Variants in ROBO1 observed in about 807,000 individuals in gnomAD.
The protein encoded by ROBO1 is roundabout homolog 1.
Under a neutral mutation model 195.9 loss-of-function variants are expected in ROBO1, and 149 were observed. That is an observed-to-expected ratio of 0.76 (90% CI 0.67 to 0.87). The LOEUF (loss-of-function observed/expected upper bound fraction) is 0.87. Ranked by LOEUF, ROBO1 falls within the 40% of genes least tolerant of loss-of-function variation. The pLI, the probability that ROBO1 is intolerant of heterozygous loss-of-function variation, is 0.00. For synonymous variants in ROBO1, 816 were observed against 733.2 expected (o/e 1.11, Z -1.82); for missense variants, 1,933 against 2,068.3 (o/e 0.93, Z 1.27).
rs778430695 is a variant in ROBO1 at position 78,606,986 on chromosome 3, G to A, written c.4491C>T (p.Ser1497=). Residue 1497 remains serine (S), a synonymous_variant, in exon 29 of 31, where the codon TCC becomes TCT. Transcript: ENST00000464233. ...PPAIKSPTAQ[S]KTQLEVRPVV... Reference sequence around the variant, plus strand: ...CAGGTCGTACTTCCAGCTGTGTCTTGGATTGGGCAGTAGGTGACTTTATAG... The same window carrying A: ...CAGGTCGTACTTCCAGCTGTGTCTTAGATTGGGCAGTAGGTGACTTTATAG... 6 of 1,613,804 alleles carry A rather than the reference G, an allele frequency of 3.7e-6. No individual in the cohort carries two copies. Among genetic ancestry groups the A allele is most frequent in the Non-Finnish European group, 5.1e-6 (6 of 1,179,874 alleles).
At chr3:79,008,397 G>A (rs2077677629) in intron 3 of ROBO1, among the ~76,000 whole-genome samples, 1 of 151,928 alleles carries the variant, frequency 6.6e-6, no homozygotes, top group African/African-American at 2.4e-5. Context: ...GTAGTTTACT[G>A]GGGAATAAAT....
At chr3:79,543,955 T>C (rs1449048229) in intron 2 of ROBO1, among the ~76,000 whole-genome samples, 4 of 152,174 alleles carry the variant, frequency 2.6e-5, no homozygotes, top group Non-Finnish European at 2.9e-5. Flanking sequence ...GCAAAAATGT[T>C]TAGACTAAAC....
At chr3:79,372,888 ATT>A (rs201344014) in intron 2 of ROBO1, among the ~76,000 whole-genome samples, 245 of 147,828 alleles carry the variant, frequency 1.7e-3, no homozygotes, top group Middle Eastern at 0.011. Flanking sequence ...AAAAACTAGT[ATT>A]TTTTTTTTTA....
chr3:78,720,953 G>GCA (rs2082028753), intron 5 of ROBO1, among the ~76,000 whole-genome samples: 5 of 150,618 alleles, frequency 3.3e-5, no homozygotes, highest in Admixed American at 2.6e-4. Context: ...GTGGGGTTGG[G>GCA]GGGGGGGCGG....
intron 2 of ROBO1, among the ~76,000 whole-genome samples, chr3:79,527,470 G>C (rs896608429): frequency 6.6e-6 from 1 of 152,076 alleles, no homozygotes; most frequent in African/African-American, 2.4e-5. Flanking sequence ...TAAAAGACAA[G>C]TGTTCAAATT....
At chr3:79,624,603 G>C (rs894101142) in intron 1 of ROBO1, among the ~76,000 whole-genome samples, 1 of 151,942 alleles carries the variant, frequency 6.6e-6, no homozygotes, top group African/African-American at 2.4e-5. Context: ...AGGCAAAGAA[G>C]GGCATTATAT....
intron 4 of ROBO1, among the ~76,000 whole-genome samples, chr3:78,780,592 A>G (rs993368223): frequency 2.0e-5 from 3 of 152,234 alleles, no homozygotes; most frequent in Admixed American, 1.3e-4. Flanking sequence ...GATTGCCTCA[A>G]TTTGTTTGCT....
chr3:79,672,085 T>C (rs1299588516), intron 1 of ROBO1, among the ~76,000 whole-genome samples: 3 of 151,976 alleles, frequency 2.0e-5, no homozygotes, highest in Admixed American at 6.6e-5. Context: ...GACATTTGCA[T>C]GAAAGTCACT....
intron 2 of ROBO1, among the ~76,000 whole-genome samples, chr3:79,497,208 A>G (rs565891250): frequency 1.3e-5 from 2 of 152,322 alleles, no homozygotes; most frequent in South Asian, 4.1e-4. Context: ...CGTCTGATAC[A>G]CATTATTTAA....
chr3:79,688,795 T>A (rs1947212743), intron 1 of ROBO1, among the ~76,000 whole-genome samples: 1 of 152,066 alleles, frequency 6.6e-6, no homozygotes, highest in Admixed American at 6.6e-5. Flanking sequence ...AATGGTTATT[T>A]CTATTTACTT....
intron 4 of ROBO1, among the ~76,000 whole-genome samples, chr3:78,782,980 C>T (rs1167288159): frequency 6.6e-6 from 1 of 152,098 alleles, no homozygotes; most frequent in Non-Finnish European, 1.5e-5. Context: ...GCTGGGCAAT[C>T]ATATAGGCAC....
chr3:79,380,057 C>A (rs1418470809), intron 2 of ROBO1, among the ~76,000 whole-genome samples: 1 of 152,156 alleles, frequency 6.6e-6, no homozygotes, highest in African/African-American at 2.4e-5. Flanking sequence ...CCTGTAGATT[C>A]CTCACATAAT....
At chr3:79,717,500 C>G (rs983162802) in intron 1 of ROBO1, among the ~76,000 whole-genome samples, 2 of 151,922 alleles carry the variant, frequency 1.3e-5, no homozygotes, top group Non-Finnish European at 1.5e-5. Flanking sequence ...GTGTGTTTGA[C>G]CAATTCGAGC....
chr3:79,105,237 T>G (rs969516676), intron 3 of ROBO1, among the ~76,000 whole-genome samples: 1 of 151,600 alleles, frequency 6.6e-6, no homozygotes, highest in Admixed American at 6.6e-5. Context: ...CATGTAAAAA[T>G]TGACAAAGAA....
At chr3:79,232,967 T>TAA (rs1180748146) in intron 2 of ROBO1, among the ~76,000 whole-genome samples, 1 of 152,070 alleles carries the variant, frequency 6.6e-6, no homozygotes, top group African/African-American at 2.4e-5. Context: ...TTTGATGTTA[T>TAA]AAGGAATAGC....
At chr3:79,286,431 C>T (rs1180629350) in intron 2 of ROBO1, among the ~76,000 whole-genome samples, 2 of 152,164 alleles carry the variant, frequency 1.3e-5, no homozygotes, top group Non-Finnish European at 2.9e-5. Flanking sequence ...GAAATGCAGT[C>T]ATACTCAATT....
chr3:79,491,873 T>C (rs1268909809), intron 2 of ROBO1, among the ~76,000 whole-genome samples: 2 of 151,968 alleles, frequency 1.3e-5, no homozygotes, highest in Non-Finnish European at 2.9e-5. Flanking sequence ...AGTTTGAGAT[T>C]TGGAAATGGC....
chr3:79,290,009 T>C (rs2032144257), intron 2 of ROBO1, among the ~76,000 whole-genome samples: 1 of 151,882 alleles, frequency 6.6e-6, no homozygotes, highest in African/African-American at 2.4e-5. Context: ...TAATCAACCA[T>C]CCAATTTTCT....
intron 4 of ROBO1, among the ~76,000 whole-genome samples, chr3:78,863,629 G>A (rs1385039855): frequency 6.6e-6 from 1 of 152,144 alleles, no homozygotes; most frequent in African/African-American, 2.4e-5. Context: ...CTTCATTTCA[G>A]GGGATTCTTT....
Sources: allele counts gnomAD v4.1 joint callset (sites outside exome capture counted in the v4.1 genomes callset), GRCh38; gene constraint gnomAD v4.1.1; transcripts MANE v1.5; gene names NCBI Gene and HGNC (gene_info 2026-07-23, HGNC 2026-07-21).